CNBD1: variants seen among roughly 807,000 people sequenced by gnomAD.
CNBD1 encodes cyclic nucleotide-binding domain-containing protein 1.
In CNBD1, 71 loss-of-function variants were observed where a neutral mutation model predicts 54.4. The ratio of observed to expected loss-of-function variants is 1.30; its 90% confidence interval spans 1.08 to 1.59. The LOEUF (loss-of-function observed/expected upper bound fraction) is 1.59. Ranked by LOEUF, CNBD1 falls within the 40% of genes most tolerant of loss-of-function variation. CNBD1 has a pLI of 0.00. For synonymous variants in CNBD1, 182 were observed against 170.7 expected (o/e 1.07, Z -0.51); for missense variants, 659 against 518.0 (o/e 1.27, Z -2.64).
At chr8:87,012,656 C>G (rs1373501600) in intron 4 of CNBD1, among the ~76,000 whole-genome samples, 1 of 152,188 alleles carries the variant, frequency 6.6e-6, no homozygotes, top group Non-Finnish European at 1.5e-5. Flanking sequence ...AGTCTGCTAT[C>G]TAAGAGCTTC....
At chr8:87,312,806 G>A (rs993851786) in intron 8 of CNBD1, among the ~76,000 whole-genome samples, 4 of 151,874 alleles carry the variant, frequency 2.6e-5, no homozygotes, top group African/African-American at 9.7e-5. Context: ...GAAATATTGG[G>A]TCAGTACAGG....
chr8:87,236,939 T>C lies in CNBD1; in HGVS notation c.598T>C (p.Tyr200His), dbSNP rs1807595276. 1 of 1,597,730 alleles carries C rather than the reference T, an allele frequency of 6.3e-7. No individual in the cohort carries two copies. Among genetic ancestry groups the C allele is most frequent in the Non-Finnish European group, 8.5e-7 (1 of 1,172,386 alleles). ...GSTVVANDGF[Y>H]VILKGLARPQ... ...TTCAGTGGTTGCAAATGATGGATTT[T>C]ATGTAATACTGAAAGGCCTAGCTCG... is the stretch of plus-strand genomic sequence containing the variant. Residue 200 changes from tyrosine to histidine, a missense_variant, in exon 6 of 11, where the codon TAT becomes CAT. By Grantham distance (83) the Tyr-to-His change is moderately conservative (BLOSUM62 2). Coordinates refer to ENST00000518476, the MANE Select transcript of CNBD1 (RefSeq NM_173538.3).
intron 5 of CNBD1, among the ~76,000 whole-genome samples, chr8:87,210,162 C>T (rs1336847061): frequency 6.6e-6 from 1 of 152,130 alleles, no homozygotes; most frequent in Admixed American, 6.5e-5. Context: ...AATTTCTAAG[C>T]AACAAAGTGA....
At chr8:87,223,424 G>A (rs965084062) in intron 5 of CNBD1, among the ~76,000 whole-genome samples, 4 of 144,738 alleles carry the variant, frequency 2.8e-5, no homozygotes, top group Non-Finnish European at 4.5e-5. Context: ...CCAGAGTGTG[G>A]TGTTCCCCTT....
intron 4 of CNBD1, among the ~76,000 whole-genome samples, chr8:87,188,175 T>C (rs1813519373): frequency 6.6e-6 from 1 of 152,206 alleles, no homozygotes; most frequent in Admixed American, 6.5e-5. Context: ...TGTCAGTTCA[T>C]ACACCACGAT....
chr8:87,328,281 C>G (rs1394891936), intron 8 of CNBD1, among the ~76,000 whole-genome samples: 2 of 152,006 alleles, frequency 1.3e-5, no homozygotes, highest in South Asian at 2.1e-4. Context: ...GATCAGTTGA[C>G]AACATATGTG....
chr8:87,019,225 A>G (rs779477681), intron 4 of CNBD1, among the ~76,000 whole-genome samples: 2 of 152,176 alleles, frequency 1.3e-5, no homozygotes, highest in African/African-American at 4.8e-5. Flanking sequence ...TGGTTTTTCT[A>G]TCTGCCTTTT....
At position 87,014,794 on chromosome 8, in the gene CNBD1, TAA is replaced by T. The variant is rs200638035; in HGVS notation, c.431+75051_431+75052del. 7.5e-3 allele frequency among the ~76,000 whole-genome samples: 1,054 copies of T among 141,310 alleles called. 20 individuals carry two copies. The highest frequency in any genetic ancestry group is 0.025 in the African/African-American group (991 of 39,334). 92.7% of individuals were successfully genotyped at this position (141,310 alleles called of 152,430 possible). On this transcript the variant is annotated intron_variant, in intron 4 of 10. Coordinates refer to ENST00000518476, the MANE Select transcript of CNBD1 (RefSeq NM_173538.3). ...TTTAAGTGTTAGGTTTAAAACAAGG[TAA>T]AAAAAAAAAATCAGGAAATAATAGA...
intron 4 of CNBD1, among the ~76,000 whole-genome samples, chr8:87,013,362 C>T (rs1032250742): frequency 6.6e-6 from 1 of 152,056 alleles, no homozygotes; most frequent in African/African-American, 2.4e-5. Context: ...AGAATGACCC[C>T]CTTTTGAGCA....
At chr8:87,010,090 A>G (rs984602365) in intron 4 of CNBD1, among the ~76,000 whole-genome samples, 8 of 152,052 alleles carry the variant, frequency 5.3e-5, no homozygotes, top group Non-Finnish European at 1.2e-4. Context: ...TTTTTTCCCA[A>G]AATTTGTTGT....
At chr8:87,243,998 T>C (rs1011908478) in intron 6 of CNBD1, among the ~76,000 whole-genome samples, 10 of 152,070 alleles carry the variant, frequency 6.6e-5, no homozygotes. Flanking sequence ...TTGAGACAGG[T>C]CTCAGTTAAT....
chr8:87,385,907 T>G (rs1811174343), downstream of CNBD1, among the ~76,000 whole-genome samples: 1 of 152,052 alleles, frequency 6.6e-6, no homozygotes, highest in African/African-American at 2.4e-5. Context: ...CGGGTACTCC[T>G]CTGAGACAAA....
At chr8:86,900,331 C>A (rs149371989) in intron 2 of CNBD1, among the ~76,000 whole-genome samples, 8 of 152,100 alleles carry the variant, frequency 5.3e-5, no homozygotes, top group Non-Finnish European at 1.2e-4. Flanking sequence ...GAGTCTGTGT[C>A]TAGGTAGTTT....
chr8:87,119,232 G>A (rs1188147845), intron 4 of CNBD1, among the ~76,000 whole-genome samples: 2 of 151,358 alleles, frequency 1.3e-5, no homozygotes, highest in Admixed American at 1.3e-4. Flanking sequence ...ATGTTTTTCT[G>A]TTTCTTTGTG....
intron 4 of CNBD1, among the ~76,000 whole-genome samples, chr8:87,196,872 G>T (rs773440519): frequency 3.3e-5 from 5 of 152,160 alleles, no homozygotes; most frequent in Non-Finnish European, 7.3e-5. Flanking sequence ...AGCTGGAATT[G>T]GGTCTAGAAA....
At chr8:87,357,152 C>G (rs1810435684) in intron 10 of CNBD1, among the ~76,000 whole-genome samples, 1 of 152,158 alleles carries the variant, frequency 6.6e-6, no homozygotes, top group Non-Finnish European at 1.5e-5. Context: ...AGAGAGAAGG[C>G]TCCTGCAGGG....
At chr8:87,260,783 A>C (rs543959848) in intron 6 of CNBD1, among the ~76,000 whole-genome samples, 3 of 151,802 alleles carry the variant, frequency 2.0e-5, no homozygotes, top group Non-Finnish European at 4.4e-5. Context: ...ATGTTCTACT[A>C]TAAGTTATCT....
At chr8:87,262,264 G>T (rs138189136) in intron 6 of CNBD1, among the ~76,000 whole-genome samples, 3 of 152,274 alleles carry the variant, frequency 2.0e-5, no homozygotes, top group African/African-American at 7.2e-5. Context: ...AAAAACATAA[G>T]ATTAAGTTTC....
intron 4 of CNBD1, among the ~76,000 whole-genome samples, chr8:87,128,181 G>A (rs1812038461): frequency 6.6e-6 from 1 of 152,176 alleles, no homozygotes; most frequent in African/African-American, 2.4e-5. Context: ...GTATGTGTGT[G>A]ACCTGATTCT....
Sources: allele counts gnomAD v4.1 joint callset (sites outside exome capture counted in the v4.1 genomes callset), GRCh38; gene constraint gnomAD v4.1.1; transcripts MANE v1.5; gene names NCBI Gene and HGNC (gene_info 2026-07-23, HGNC 2026-07-21).